Variants in OPCML observed in about 807,000 individuals in gnomAD.
OPCML encodes the protein opioid-binding protein/cell adhesion molecule.
In OPCML, 13 loss-of-function variants were observed where a neutral mutation model predicts 37.8. The ratio of observed to expected loss-of-function variants is 0.34; its 90% CI spans 0.22 to 0.55. The LOEUF is 0.55. OPCML is among the 20% of genes least tolerant of loss of function. The pLI, the probability that OPCML is intolerant of heterozygous loss-of-function variation, is 0.91. For missense variants in OPCML, 341 were observed against 435.6 expected, an observed-to-expected ratio of 0.78 and a Z score of 1.93; for synonymous variants, 176 against 168.8, an observed-to-expected ratio of 1.04 and a Z score of -0.33.
intron 2 of OPCML, among the ~76,000 whole-genome samples, chr11:132,700,012 T>TC (rs1943745603): frequency 9.4e-6 from 1 of 105,936 alleles, no homozygotes; most frequent in Non-Finnish European, 2.0e-5. Context: ...TCTGATTCAA[T>TC]CCTTGTAATT....
chr11:132,744,194 G>A (rs141925317), intron 2 of OPCML, among the ~76,000 whole-genome samples: 8 of 152,280 alleles, frequency 5.3e-5, no homozygotes, highest in Non-Finnish European at 8.8e-5. Flanking sequence ...GCAACTCCTC[G>A]AAAGATTTTA....
intron 1 of OPCML, among the ~76,000 whole-genome samples, chr11:133,137,622 G>A (rs1949710930): frequency 6.6e-6 from 1 of 152,100 alleles, no homozygotes; most frequent in Admixed American, 6.5e-5. Context: ...ATGTTATTCT[G>A]CTCCTATAAA....
At chr11:132,576,287 A>G (rs1379316150) in intron 3 of OPCML, among the ~76,000 whole-genome samples, 2 of 151,932 alleles carry the variant, frequency 1.3e-5, no homozygotes, top group African/African-American at 4.8e-5. Flanking sequence ...CATAATGCAT[A>G]TAAGTCCTTT....
At chr11:133,352,561 G>A (rs954439191) in intron 1 of OPCML, among the ~76,000 whole-genome samples, 1 of 152,152 alleles carries the variant, frequency 6.6e-6, no homozygotes, top group Non-Finnish European at 1.5e-5. Context: ...CAATATAAAT[G>A]GAGAATCAGT....
intron 3 of OPCML, among the ~76,000 whole-genome samples, chr11:132,588,757 C>T (rs1238302865): frequency 1.3e-5 from 2 of 152,146 alleles, no homozygotes; most frequent in Admixed American, 1.3e-4. Context: ...ATGAAAGTCT[C>T]ACCAGGGATT....
chr11:133,487,779 G>GTA (rs1195389737), intron 1 of OPCML, among the ~76,000 whole-genome samples: 2 of 120,560 alleles, frequency 1.7e-5, no homozygotes, highest in Non-Finnish European at 3.3e-5. Context: ...CTGTGTTTGT[G>GTA]TGTGTGTGTG....
At chr11:132,936,174 T>C (rs1591823980) in intron 2 of OPCML, among the ~76,000 whole-genome samples, 2 of 152,186 alleles carry the variant, frequency 1.3e-5, no homozygotes, top group African/African-American at 4.8e-5. Flanking sequence ...AGCTGCAGCC[T>C]TCAACTGAAA....
chr11:132,516,887 C>A (rs766142200), intron 4 of OPCML, among the ~76,000 whole-genome samples: 7 of 152,172 alleles, frequency 4.6e-5, no homozygotes, highest in Non-Finnish European at 8.8e-5. Flanking sequence ...CTGACTCTAG[C>A]TGATTTAGAT....
chr11:132,456,894 T>A (rs994978314), intron 4 of OPCML, among the ~76,000 whole-genome samples: 1 of 152,232 alleles, frequency 6.6e-6, no homozygotes, highest in Non-Finnish European at 1.5e-5. Context: ...AATCTGTCAA[T>A]GCCTGCATTA....
At chr11:133,125,576 T>C (rs199575959) in intron 1 of OPCML, among the ~76,000 whole-genome samples, 1 of 147,848 alleles carries the variant, frequency 6.8e-6, no homozygotes, top group Non-Finnish European at 1.5e-5. Flanking sequence ...ATAAAAAATA[T>C]AGACACATGT....
intron 1 of OPCML, among the ~76,000 whole-genome samples, chr11:133,093,167 C>G (rs899365717): frequency 6.6e-6 from 1 of 151,962 alleles, no homozygotes; most frequent in African/African-American, 2.4e-5. Context: ...TTGGTGTACC[C>G]ATCACCCAAG....
At chr11:132,715,355 G>A (rs1944432242) in intron 2 of OPCML, among the ~76,000 whole-genome samples, 1 of 152,160 alleles carries the variant, frequency 6.6e-6, no homozygotes, top group African/African-American at 2.4e-5. Context: ...TCCACAAATT[G>A]ACAGTGTTCT....
rs1451656131 is a variant in OPCML, at chr11:132,943,145, C to G, written c.62-135G>C. On this transcript the variant is annotated intron_variant, in intron 1 of 7. Coordinates refer to ENST00000524381, the MANE Select transcript of OPCML (RefSeq NM_001012393.5). The surrounding 1 kb of genome is among the most constrained non-coding windows in gnomAD (Gnocchi z 4.3). The stretch of plus-strand genomic sequence containing the variant: ...CCGGCAGCCGCACAGTCCTGGTCCC[C>G]CGCCCCGCGCACCAGCGGGCTCGGG... 7.5e-6 allele frequency: 12 copies of G among 1,603,580 alleles called. No individual in the cohort carries two copies. In the African/African-American group the frequency reaches 1.6e-4, roughly 21 times the overall value.
chr11:132,947,270 G>A (rs1945764570), intron 1 of OPCML, among the ~76,000 whole-genome samples: 1 of 152,222 alleles, frequency 6.6e-6, no homozygotes, highest in South Asian at 2.1e-4. Context: ...AAGAAGAGCA[G>A]CAGAGATGGG....
At chr11:132,862,404 G>A (rs182254826) in intron 2 of OPCML, among the ~76,000 whole-genome samples, 99 of 151,786 alleles carry the variant, frequency 6.5e-4, no homozygotes, top group African/African-American at 2.3e-3. Context: ...AAAGTGGTAC[G>A]GCAATCCTTA....
intron 2 of OPCML, among the ~76,000 whole-genome samples, chr11:132,789,124 G>A (rs1364596199): frequency 6.6e-6 from 1 of 152,132 alleles, no homozygotes; most frequent in Non-Finnish European, 1.5e-5. Flanking sequence ...CTTCAGAGAA[G>A]CTTTCTCTGA....
intron 1 of OPCML, among the ~76,000 whole-genome samples, chr11:133,195,660 G>A (rs148683809): frequency 6.6e-6 from 1 of 152,152 alleles, no homozygotes. Context: ...CATGGAAGTG[G>A]TCTTTGTCTT....
chr11:132,616,636 G>A (rs1939043905), intron 3 of OPCML, among the ~76,000 whole-genome samples: 1 of 152,124 alleles, frequency 6.6e-6, no homozygotes, highest in African/African-American at 2.4e-5. Context: ...TTTTTTCACA[G>A]ACGGTTTTAT....
chr11:133,047,675 G>A (rs576000594), intron 1 of OPCML, among the ~76,000 whole-genome samples: 12 of 152,194 alleles, frequency 7.9e-5, no homozygotes, highest in East Asian at 1.9e-4. Flanking sequence ...CCCCTCCTCC[G>A]TCTCTCTGCC....
Sources: gnomAD v4.1 joint callset for allele counts (sites outside exome capture counted in the v4.1 genomes callset) on GRCh38, gnomAD v4.1.1 for gene constraint, Gnocchi (gnomAD v3.1) non-coding constraint, MANE v1.5 for transcripts, NCBI Gene and HGNC (gene_info 2026-07-23, HGNC 2026-07-21) for gene names.